Variants in NET1 observed in about 807,000 individuals in gnomAD.
The protein encoded by NET1 is neuroepithelial cell-transforming gene 1 protein.
A neutral mutation model predicts 61.1 loss-of-function variants in NET1; 42 were observed. The ratio of observed to expected loss-of-function variants is 0.69; its 90% CI spans 0.54 to 0.89. The LOEUF is 0.89. NET1 is among the 40% of genes least tolerant of loss of function. The probability of loss-of-function intolerance (pLI) is 0.00; values close to 1 mark genes in which losing one functional copy is unlikely to be tolerated. For missense variants in NET1, 654 were observed against 747.3 expected, an observed-to-expected ratio of 0.88 and a Z score of 1.46; for synonymous variants, 254 against 281.8, an observed-to-expected ratio of 0.90 and a Z score of 0.99.
chr10:5,440,358 T>A lies in NET1; in HGVS notation c.255+11129T>A, dbSNP rs1376888269. Among the ~76,000 whole-genome samples the A allele has an allele frequency of 2.0e-5, 3 of 152,218 alleles. No individual in the cohort carries two copies. The highest frequency in any genetic ancestry group is 7.2e-5 in the African/African-American group (3 of 41,450). ...AGATCAGTAACCACAACCATAACCA[T>A]GTAACAAATGCTAGATGATTTGTTG... On this transcript the variant is annotated intron_variant, in intron 3 of 11. Coordinates refer to ENST00000355029, the MANE Select transcript of NET1 (RefSeq NM_001047160.3). This position sits in a 1 kb window ranked among gnomAD's most constrained non-coding sequence, Gnocchi z 4.1.
At chr10:5,434,178 G>A (rs180782598) in intron 3 of NET1, among the ~76,000 whole-genome samples, 1 of 152,272 alleles carries the variant, frequency 6.6e-6, no homozygotes, top group African/African-American at 2.4e-5. Context: ...AGCCTTTTCA[G>A]CTTCATAACT....
intron 3 of NET1, among the ~76,000 whole-genome samples, chr10:5,442,817 C>T (rs538429054): frequency 1.3e-5 from 2 of 148,924 alleles, no homozygotes; most frequent in South Asian, 4.2e-4. Flanking sequence ...GCAGAGGTTG[C>T]AGTGAGCTGA....
chr10:5,455,674 A>G lies in NET1; in HGVS notation c.1198-413A>G, dbSNP rs1318892304. ...TTTGATTTTTCCCTCACGAGGGGAAAATTTATAAAGGTATAAATTTGTGTG... is the reference window on the plus strand; with the variant it reads ...TTTGATTTTTCCCTCACGAGGGGAAGATTTATAAAGGTATAAATTTGTGTG... On this transcript the variant is annotated intron_variant, in intron 10 of 11. Coordinates refer to ENST00000355029, the MANE Select transcript of NET1 (RefSeq NM_001047160.3). This position sits in a 1 kb window ranked among gnomAD's most constrained non-coding sequence, Gnocchi z 6.5. 2.0e-5 allele frequency among the ~76,000 whole-genome samples: 3 copies of G among 152,152 alleles called. No homozygotes were observed. The highest frequency in any genetic ancestry group is 4.4e-5 in the Non-Finnish European group (3 of 68,042).
In NET1 at chr10:5,441,663, A is replaced by G. The variant is rs117921383; in HGVS notation, c.256-10167A>G. On this transcript the variant is annotated intron_variant, in intron 3 of 11. Transcript: ENST00000355029. The surrounding 1 kb of genome is among the most constrained non-coding windows in gnomAD (Gnocchi z 4.6). ...ACTTATTAGCCTATGAGACTATTTTATTTAAAGTGTGTCTAATAATACTTA... is the reference window on the plus strand; with the variant it reads ...ACTTATTAGCCTATGAGACTATTTTGTTTAAAGTGTGTCTAATAATACTTA... 6.5e-3 allele frequency among the ~76,000 whole-genome samples: 989 copies of G among 152,328 alleles called. 37 individuals are homozygous for G. The East Asian group carries it at 0.11, about 16-fold the overall frequency.
rs1832422299 is a variant in NET1 at position 5,435,983 on chromosome 10, G to A, written c.255+6754G>A. ...AAGTGACTGTTGACTTTGTTAATGT[G>A]AAATAACACTGGCATGAGTATACTG... On this transcript the variant is annotated intron_variant, in intron 3 of 11. Coordinates refer to ENST00000355029, the MANE Select transcript of NET1 (RefSeq NM_001047160.3). This position sits in a 1 kb window ranked among gnomAD's most constrained non-coding sequence, Gnocchi z 5.0. 6.6e-6 allele frequency among the ~76,000 whole-genome samples: 1 copy of A among 151,700 alleles called. No homozygotes were observed. The highest frequency in any genetic ancestry group is 2.1e-4 in the South Asian group (1 of 4,804).
intron 3 of NET1, 102 bp downstream of exon 3, chr10:5,429,331 T>G (rs1213915927): frequency 1.1e-6 from 1 of 902,612 alleles, no homozygotes; most frequent in Non-Finnish European, 1.7e-6. Context: ...GGTTTTTTTG[T>G]TTTTTTGTTT....
chr10:5,421,538 A>G lies in NET1; in HGVS notation c.129-5117A>G, dbSNP rs1178761895. On this transcript the variant is annotated intron_variant, in intron 1 of 11. Coordinates refer to ENST00000355029, the MANE Select transcript of NET1 (RefSeq NM_001047160.3). The surrounding 1 kb of genome is among the most constrained non-coding windows in gnomAD (Gnocchi z 4.2). ...GCCTTAAATCAATTCTTGACAACCCAGGATCTTTATTATTAGTAGTAGTAG... is the reference window on the plus strand; with the variant it reads ...GCCTTAAATCAATTCTTGACAACCCGGGATCTTTATTATTAGTAGTAGTAG... Among the ~76,000 whole-genome samples the G allele has an allele frequency of 1.3e-5, 2 of 152,222 alleles. No homozygotes were observed. The highest frequency in any genetic ancestry group is 2.9e-5 in the Non-Finnish European group (2 of 68,034).
At position 5,437,228 on chromosome 10, in the gene NET1, T is replaced by C. The variant is rs532432417; in HGVS notation, c.255+7999T>C. Reference sequence around the variant, plus strand: ...TGATGTTTGTCCAGATTGTTTTCTTTTTATTTATCTATTTTCATACAGTAT... The same window carrying C: ...TGATGTTTGTCCAGATTGTTTTCTTCTTATTTATCTATTTTCATACAGTAT... On this transcript the variant is annotated intron_variant, in intron 3 of 11. Coordinates refer to ENST00000355029, the MANE Select transcript of NET1 (RefSeq NM_001047160.3). This position sits in a 1 kb window ranked among gnomAD's most constrained non-coding sequence, Gnocchi z 4.3. Among the ~76,000 whole-genome samples the C allele has an allele frequency of 6.6e-6, 1 of 152,340 alleles. No individual in the cohort carries two copies. The highest frequency in any genetic ancestry group is 2.1e-4 in the South Asian group (1 of 4,828).
rs1284885474 is a variant in NET1 at position 5,453,536 on chromosome 10, G to A, written c.744G>A (p.Gln248=). ...CCAAGCCTGATGGAACAGTGGAGCA[G>A]ATTGGTCACATTCTCGTGAGCTGGG... ...EATKPDGTVE[Q]IGHILVSWLP... is the part of the protein sequence containing the mutation. The change falls in exon 8 of 12, where the codon CAG becomes CAA. Residue 248 remains glutamine (Q), a synonymous_variant. Transcript: ENST00000355029. The surrounding 1 kb of genome is among the most constrained non-coding windows in gnomAD (Gnocchi z 4.9). The A allele has an allele frequency of 6.2e-7, 1 of 1,614,156 alleles. No individual in the cohort carries two copies. The highest frequency in any genetic ancestry group is 2.2e-5 in the East Asian group (1 of 44,868).
At chr10:5,414,565 G>T (rs1325128657) in intron 1 of NET1, among the ~76,000 whole-genome samples, 1 of 152,208 alleles carries the variant, frequency 6.6e-6, no homozygotes, top group East Asian at 1.9e-4. Context: ...AAAAATGATT[G>T]TTCGAATCTG....
Position 5,426,672 on chromosome 10 carries a change from G to C in NET1, c.146G>C (p.Gly49Ala). 9 of 1,606,176 alleles carry C rather than the reference G, an allele frequency of 5.6e-6. No individual in the cohort carries two copies. Among genetic ancestry groups the C allele is most frequent in the Non-Finnish European group, 7.6e-6 (9 of 1,176,628 alleles). Residue 49 changes from glycine (G) to alanine (A), a missense_variant, in exon 2 of 12, where the codon GGC becomes GCC. Coordinates refer to ENST00000355029, the MANE Select transcript of NET1 (RefSeq NM_001047160.3). The surrounding 1 kb of genome is among the most constrained non-coding windows in gnomAD (Gnocchi z 4.6). ...ELDGRCSLRRGSSFTFLTPGP... is the reference protein window; with the variant it reads ...ELDGRCSLRRASSFTFLTPGP... Reference sequence around the variant, plus strand: ...ATTAATAGATGTTCCCTTCGGAGAGGCAGCTCCTTCACATTCTTAACACCT... The same window carrying C: ...ATTAATAGATGTTCCCTTCGGAGAGCCAGCTCCTTCACATTCTTAACACCT...
At position 5,426,963 on chromosome 10, in the gene NET1, A is replaced by G. The variant is rs1160934118; in HGVS notation, c.195+242A>G. Reference sequence around the variant, plus strand: ...CTCACATCTATTAATCTTTAACTCTATGCCATCCTTTCTCTTATTCCTTTC... The same window carrying G: ...CTCACATCTATTAATCTTTAACTCTGTGCCATCCTTTCTCTTATTCCTTTC... On this transcript the variant is annotated intron_variant, in intron 2 of 11. Coordinates refer to ENST00000355029, the MANE Select transcript of NET1 (RefSeq NM_001047160.3). This position sits in a 1 kb window ranked among gnomAD's most constrained non-coding sequence, Gnocchi z 4.6. Among the ~76,000 whole-genome samples the G allele has an allele frequency of 6.6e-6, 1 of 152,162 alleles. No homozygotes were observed. The highest frequency in any genetic ancestry group is 6.5e-5 in the Admixed American group (1 of 15,278).
At position 5,412,804 on chromosome 10, in the gene NET1, T is replaced by C. The variant is rs2119157762; in HGVS notation, c.112T>C (p.Ser38Pro). 1 of 1,432,330 alleles carries C rather than the reference T, an allele frequency of 7.0e-7. No individual in the cohort carries two copies. The highest frequency in any genetic ancestry group is 9.1e-7 in the Non-Finnish European group (1 of 1,097,316). 88.7% of individuals were successfully genotyped at this position (1,432,330 alleles called of 1,614,324 possible). Reference protein sequence around the residue: ...ATGPSADTSGSELDGRCSLRR... With the variant: ...ATGPSADTSGPELDGRCSLRR... ...GGGGCCTTCGGCCGACACCTCCGGG[T>C]CGGAGCTGGACGGGAGGTGAGTGTG... Residue 38 changes from serine (S) to proline (P), a missense_variant, in exon 1 of 12, where the codon TCG (serine) becomes CCG (proline). By Grantham distance (74) the Ser-to-Pro change is moderately conservative. Transcript: ENST00000355029. The surrounding 1 kb of genome is among the most constrained non-coding windows in gnomAD (Gnocchi z 6.5).
intron 3 of NET1, among the ~76,000 whole-genome samples, chr10:5,436,208 G>A (rs1474357273): frequency 1.1e-5 from 1 of 90,632 alleles, no homozygotes; most frequent in Non-Finnish European, 2.1e-5. Context: ...GTGTGTGTGT[G>A]TGTGTGTGTG....
At position 5,435,780 on chromosome 10, in the gene NET1, T is replaced by C. The variant is rs1832420583; in HGVS notation, c.255+6551T>C. On this transcript the variant is annotated intron_variant, in intron 3 of 11. Coordinates refer to ENST00000355029, the MANE Select transcript of NET1 (RefSeq NM_001047160.3). This position sits in a 1 kb window ranked among gnomAD's most constrained non-coding sequence, Gnocchi z 5.0. Reference sequence around the variant, plus strand: ...ATTTTGTCTTGAAGCTGTGATTGTTTATCAAATTTTTCTCTAGGTAAAATT... The same window carrying C: ...ATTTTGTCTTGAAGCTGTGATTGTTCATCAAATTTTTCTCTAGGTAAAATT... Among the ~76,000 whole-genome samples, 1 of 152,194 alleles carries C rather than the reference T, an allele frequency of 6.6e-6. No individual in the cohort carries two copies. Among genetic ancestry groups the C allele is most frequent in the Admixed American group, 6.5e-5 (1 of 15,284 alleles).
Position 5,456,422 on chromosome 10 carries a change from A to G in NET1, c.1384+149A>G. On this transcript the variant is annotated intron_variant, in intron 11 of 11. Coordinates refer to ENST00000355029, the MANE Select transcript of NET1 (RefSeq NM_001047160.3). The surrounding 1 kb of genome is among the most constrained non-coding windows in gnomAD (Gnocchi z 7.0). ...AGTTGTCCAGGCCTTCCCAGCTCGA[A>G]CACCCGCAGGTGTATCTAAGAAATA... 1.9e-6 allele frequency: 2 copies of G among 1,030,348 alleles called. No individual in the cohort carries two copies. Among genetic ancestry groups the G allele is most frequent in the East Asian group, 2.6e-5 (1 of 38,108 alleles). 63.8% of individuals were successfully genotyped at this position (1,030,348 alleles called of 1,614,324 possible).
rs1456188558 is a variant in NET1, at chr10:5,427,246, T to G, written c.195+525T>G. Among the ~76,000 whole-genome samples the G allele has an allele frequency of 6.6e-6, 1 of 152,176 alleles. No individual in the cohort carries two copies. Among genetic ancestry groups the G allele is most frequent in the Non-Finnish European group, 1.5e-5 (1 of 68,018 alleles). On this transcript the variant is annotated intron_variant, in intron 2 of 11. Coordinates refer to ENST00000355029, the MANE Select transcript of NET1 (RefSeq NM_001047160.3). The surrounding 1 kb of genome is among the most constrained non-coding windows in gnomAD (Gnocchi z 4.1). ...AATTGATTCTTTTTGTACTTAAAACTTATTAGCTCATAATACATATATAAA... is the reference window on the plus strand; with the variant it reads ...AATTGATTCTTTTTGTACTTAAAACGTATTAGCTCATAATACATATATAAA...
In NET1 at chr10:5,453,646, C is replaced by A; in HGVS notation, c.768+86C>A. ...CTGATGAATATGAGACAGATTTGATCCCACAACTCTGTTCTACAAACACAT... is the reference window on the plus strand; with the variant it reads ...CTGATGAATATGAGACAGATTTGATACCACAACTCTGTTCTACAAACACAT... On this transcript the variant is annotated intron_variant, in intron 8 of 11. Coordinates refer to ENST00000355029, the MANE Select transcript of NET1 (RefSeq NM_001047160.3). The surrounding 1 kb of genome is among the most constrained non-coding windows in gnomAD (Gnocchi z 4.9). The A allele has an allele frequency of 1.7e-6, 2 of 1,145,036 alleles. No homozygotes were observed. Among genetic ancestry groups the A allele is most frequent in the Non-Finnish European group, 2.7e-6 (2 of 754,170 alleles). 70.9% of individuals were successfully genotyped at this position (1,145,036 alleles called of 1,614,324 possible). A position where few individuals can be genotyped will look rare whatever the true frequency, so the allele number is the denominator to read the frequency against.
chr10:5,452,899 G>C lies in NET1; in HGVS notation c.573G>C (p.Glu191Asp), dbSNP rs1209462563. Reference sequence around the variant, plus strand: ...CCCGAGGTGAACAGGATTTAATTGAGGATCTCAAACTTGCAAGAAAGGTCA... The same window carrying C: ...CCCGAGGTGAACAGGATTTAATTGACGATCTCAAACTTGCAAGAAAGGTCA... The part of the protein sequence containing the change: ...EMSRGEQDLI[E>D]DLKLARKAYH... Residue 191 changes from glutamate (E) to aspartate (D), a missense_variant, in exon 6 of 12, where the codon GAG (glutamate) becomes GAC (aspartate). Coordinates refer to ENST00000355029, the MANE Select transcript of NET1 (RefSeq NM_001047160.3). This position sits in a 1 kb window ranked among gnomAD's most constrained non-coding sequence, Gnocchi z 4.0. 8 of 1,612,826 alleles carry C rather than the reference G, an allele frequency of 5.0e-6. No individual in the cohort carries two copies. The highest frequency in any genetic ancestry group is 6.8e-6 in the Non-Finnish European group (8 of 1,179,092).
Sources: gnomAD v4.1 joint callset for allele counts (sites outside exome capture counted in the v4.1 genomes callset) on GRCh38, gnomAD v4.1.1 for gene constraint, Gnocchi (gnomAD v3.1) non-coding constraint, MANE v1.5 for transcripts, NCBI Gene and HGNC (gene_info 2026-07-23, HGNC 2026-07-21) for gene names.